Variants in BMPER observed in about 807,000 individuals in gnomAD.
BMPER encodes BMP-binding endothelial regulator protein.
Under a neutral mutation model 87.3 loss-of-function variants are expected in BMPER, and 45 were observed. The observed-to-expected ratio is 0.52, with a 90% CI of 0.41 to 0.66. The LOEUF is 0.66. BMPER is among the 30% of genes least tolerant of loss of function. The pLI is 0.00. For synonymous variants in BMPER, 326 were observed against 316.2 expected, an observed-to-expected ratio of 1.03 and a Z score of -0.33; for missense variants, 784 against 867.5, an observed-to-expected ratio of 0.90 and a Z score of 1.21.
intron 3 of BMPER, 125 bp downstream of exon 3, chr7:33,937,513 G>GGTGTGTGTGTGTGTGTGTGT (rs376953621): frequency 2.0e-5 from 15 of 734,380 alleles, no homozygotes; most frequent in Non-Finnish European, 2.6e-5. Flanking sequence ...GGAGAAGTAG[G>GGTGTGTGTGTGTGTGTGTGT]GTGTGTGTGT....
Position 34,129,638 on chromosome 7 carries a change from A to AAG in BMPER, c.1746-13590_1746-13589dup, listed in dbSNP as rs1343734735. On this transcript the variant is annotated intron_variant, in intron 13 of 14. Transcript: ENST00000649409. ...AGAGAGAGAGAGAAAGAGAGAAAGA[A>AAG]AGAAAGAAAGAAAGAAAGAAAGAAA... 9.1e-5 allele frequency among the ~76,000 whole-genome samples: 11 copies of AAG among 120,708 alleles called. No homozygotes were observed. In the East Asian group the frequency reaches 2.3e-3, roughly 26 times the overall value. The allele number at this position is 120,708 out of a possible 152,430, so 79.2% of individuals were successfully genotyped here. A position where few individuals can be genotyped will look rare whatever the true frequency, so the allele number is the denominator to read the frequency against.
intron 3 of BMPER, among the ~76,000 whole-genome samples, chr7:33,965,071 T>A (rs972782051): frequency 6.6e-6 from 1 of 152,242 alleles, no homozygotes; most frequent in African/African-American, 2.4e-5. Flanking sequence ...TTTTCATTGT[T>A]GAAAATTTAC....
At chr7:33,921,253 T>C (rs1003550596) in intron 2 of BMPER, among the ~76,000 whole-genome samples, 1 of 152,228 alleles carries the variant, frequency 6.6e-6, no homozygotes, top group Non-Finnish European at 1.5e-5. Context: ...TTAATAGCTA[T>C]TTTGCGAACA....
intron 13 of BMPER, among the ~76,000 whole-genome samples, chr7:34,115,905 G>T (rs1156699155): frequency 6.6e-6 from 1 of 152,192 alleles, no homozygotes; most frequent in South Asian, 2.1e-4. Context: ...TTGAGGAACT[G>T]CCAGACAGTT....
At chr7:34,143,079 A>G in intron 13 of BMPER, 151 bp from the exon 14 acceptor site, 1 of 1,060,876 alleles carries the variant, frequency 9.4e-7, no homozygotes, top group Non-Finnish European at 1.4e-6. Context: ...AGTTCCACAC[A>G]GAATTTTGCC....
At chr7:34,012,416 G>A (rs1247245029) in intron 6 of BMPER, among the ~76,000 whole-genome samples, 5 of 151,852 alleles carry the variant, frequency 3.3e-5, no homozygotes, top group African/African-American at 1.2e-4. Flanking sequence ...GGGCAAATAG[G>A]TCTTAGTTAA....
chr7:33,993,351 G>C (rs974443511), intron 6 of BMPER, among the ~76,000 whole-genome samples: 15 of 138,648 alleles, frequency 1.1e-4, no homozygotes, highest in Admixed American at 5.9e-4. Flanking sequence ...TTCCCTTCTC[G>C]CTTCATTTCA....
At chr7:34,097,701 T>A (rs996633868) in intron 13 of BMPER, among the ~76,000 whole-genome samples, 1 of 152,092 alleles carries the variant, frequency 6.6e-6, no homozygotes, top group Non-Finnish European at 1.5e-5. Flanking sequence ...TTGTGCCAGG[T>A]GAGGAAATTA....
chr7:34,017,458 T>C (rs1787057284), intron 6 of BMPER, among the ~76,000 whole-genome samples: 1 of 151,758 alleles, frequency 6.6e-6, no homozygotes, highest in African/African-American at 2.4e-5. Context: ...CCATCAGATC[T>C]CATAAGCCTT....
At chr7:33,922,429 C>G (rs755137559) in intron 2 of BMPER, among the ~76,000 whole-genome samples, 1 of 152,330 alleles carries the variant, frequency 6.6e-6, no homozygotes, top group East Asian at 1.9e-4. Context: ...TCCTCCTCCA[C>G]GCAGCATGGC....
Position 34,080,655 on chromosome 7 carries a change from C to T in BMPER, c.1408+1469C>T, listed in dbSNP as rs371655165. 1.7e-4 allele frequency among the ~76,000 whole-genome samples: 26 copies of T among 152,224 alleles called. No homozygotes were observed. In the East Asian group the frequency reaches 4.2e-3, roughly 25 times the overall value. ...GTTTTTTGGCTCCCTGTAAAATGTG[C>T]GTAAGATGACCCATTATTACACAGC... On this transcript the variant is annotated intron_variant, in intron 12 of 14. Transcript: ENST00000649409.
intron 2 of BMPER, among the ~76,000 whole-genome samples, chr7:33,934,660 T>C (rs776694705): frequency 3.2e-4 from 49 of 152,220 alleles, no homozygotes; most frequent in Non-Finnish European, 5.1e-4. Flanking sequence ...GGTTTCTAAG[T>C]CAGCAGAGTT....
chr7:33,999,145 TG>T (rs1379915528), intron 6 of BMPER, among the ~76,000 whole-genome samples: 1 of 152,252 alleles, frequency 6.6e-6, no homozygotes, highest in African/African-American at 2.4e-5. Flanking sequence ...ATCAAACCTT[TG>T]TACACAGCTT....
At chr7:33,968,190 A>G (rs1235112315) in intron 4 of BMPER, among the ~76,000 whole-genome samples, 3 of 152,180 alleles carry the variant, frequency 2.0e-5, no homozygotes, top group Admixed American at 6.5e-5. Flanking sequence ...CCTACCCAAG[A>G]GGAAGTTTGC....
chr7:33,943,462 A>T (rs562623882), intron 3 of BMPER, among the ~76,000 whole-genome samples: 9 of 152,030 alleles, frequency 5.9e-5, no homozygotes, highest in Non-Finnish European at 1.3e-4. Flanking sequence ...ACACCTCCCT[A>T]TTGATAGCTG....
At chr7:33,948,060 T>C (rs373286551) in intron 3 of BMPER, among the ~76,000 whole-genome samples, 16 of 152,348 alleles carry the variant, frequency 1.1e-4, no homozygotes, top group African/African-American at 3.6e-4. Flanking sequence ...TAACCAAACT[T>C]AGTTTGGCAA....
chr7:34,079,210 T>C (rs963845696), intron 12 of BMPER, 24 bp downstream of exon 12: 3 of 1,612,618 alleles, frequency 1.9e-6, no homozygotes, highest in Non-Finnish European at 2.5e-6. Context: ...GGCCTCCCTC[T>C]TGCTCTAGCC....
chr7:34,115,961 C>T (rs1790107599), intron 13 of BMPER, among the ~76,000 whole-genome samples: 1 of 152,164 alleles, frequency 6.6e-6, no homozygotes, highest in Non-Finnish European at 1.5e-5. Flanking sequence ...CTGATTTCTC[C>T]ACATCCTTGC....
chr7:34,141,610 C>CAA (rs70997567), intron 13 of BMPER, among the ~76,000 whole-genome samples: 647 of 54,452 alleles, frequency 0.012, 18 homozygotes, highest in East Asian at 0.097. Context: ...AACACCATCT[C>CAA]AAAAAAAAAA....
Sources: gnomAD v4.1 joint callset for allele counts (sites outside exome capture counted in the v4.1 genomes callset) on GRCh38, gnomAD v4.1.1 for gene constraint, MANE v1.5 for transcripts, NCBI Gene and HGNC (gene_info 2026-07-23, HGNC 2026-07-21) for gene names.